The following PPFIA3 variants were observed in gnomAD, a reference collection of about 807,000 sequenced individuals.
The protein encoded by PPFIA3 is liprin-alpha-3.
PPFIA3 carries 26 observed loss-of-function variants against 145.8 expected under a neutral mutation model. That is an observed-to-expected ratio of 0.18 (90% CI 0.13 to 0.25). PPFIA3 has a LOEUF of 0.25. Among genes scored for constraint, PPFIA3 ranks in the 10% least tolerant of loss-of-function variants. PPFIA3 has a pLI of 1.00. For synonymous variants in PPFIA3, 645 were observed against 661.4 expected, an observed-to-expected ratio of 0.98 and a Z score of 0.38; for missense variants, 1,008 against 1,587.8, an observed-to-expected ratio of 0.63 and a Z score of 6.21.
At position 49,136,759 on chromosome 19, in the gene PPFIA3, A is replaced by G. The variant is rs2041142827; in HGVS notation, c.1701A>G (p.Pro567=). The stretch of plus-strand genomic sequence containing the variant: ...GGTCTGCCCCTGCGGGCTCCATACC[A>G]CCCCCATTCCCTGGGGAACTGGACG... ...WERSAPAGSI[P]PPFPGELDGS... Residue 567 remains proline, a synonymous_variant, in exon 15 of 30, where the codon CCA becomes CCG. Transcript: ENST00000334186. 1.3e-6 allele frequency: 2 copies of G among 1,572,684 alleles called. No individual in the cohort carries two copies. The highest frequency in any genetic ancestry group is 1.7e-6 in the Non-Finnish European group (2 of 1,157,476).
Position 49,130,696 on chromosome 19 carries a change from TC to T in PPFIA3, c.879+99del. 9.5e-7 allele frequency: 1 copy of T among 1,049,652 alleles called. No individual in the cohort carries two copies. Among genetic ancestry groups the T allele is most frequent in the Non-Finnish European group, 1.4e-6 (1 of 733,270 alleles). The allele number at this position is 1,049,652 out of a possible 1,614,324, so 65.0% of individuals were successfully genotyped here. A position where few individuals can be genotyped will look rare whatever the true frequency, so the allele number is the denominator to read the frequency against. On this transcript the variant is annotated intron_variant, in intron 7 of 29. Transcript: ENST00000334186. The surrounding 1 kb of genome is among the most constrained non-coding windows in gnomAD (Gnocchi z 4.5). Reference sequence around the variant, plus strand: ...CATGAATGGCGGAACCTCGATTCAGTCCACAGGCTGGGTGACTCCTCTTTGA... The same window carrying T: ...CATGAATGGCGGAACCTCGATTCAGTCACAGGCTGGGTGACTCCTCTTTGA...
At position 49,132,125 on chromosome 19, in the gene PPFIA3, T is replaced by G. The variant is rs554177455; in HGVS notation, c.880-876T>G. On this transcript the variant is annotated intron_variant, in intron 7 of 29. Coordinates refer to ENST00000334186, the MANE Select transcript of PPFIA3 (RefSeq NM_003660.4). ...CTCCAGCCAGAGTGCTGGTTGCTCA[T>G]GCCTGTAATCCCAGCACTTTGGGAG... Among the ~76,000 whole-genome samples the G allele has an allele frequency of 8.7e-5, 13 of 149,202 alleles. No individual in the cohort carries two copies. The South Asian group carries it at 2.8e-3, about 32-fold the overall frequency.
intron 24 of PPFIA3, 116 bp from the exon 25 acceptor site, chr19:49,148,550 C>A: frequency 1.1e-6 from 1 of 872,314 alleles, no homozygotes; most frequent in Non-Finnish European, 1.8e-6. Flanking sequence ...GTCAATAGAA[C>A]TTATCAGCTC....
rs2041102827 is a variant in PPFIA3 at position 49,133,677 on chromosome 19, C to T, written c.1162-119C>T. The T allele has an allele frequency of 2.7e-6, 3 of 1,116,522 alleles. No homozygotes were observed. Among genetic ancestry groups the T allele is most frequent in the Non-Finnish European group, 2.7e-6 (2 of 750,180 alleles). 69.2% of individuals were successfully genotyped at this position (1,116,522 alleles called of 1,614,324 possible). A position where few individuals can be genotyped will look rare whatever the true frequency, so the allele number is the denominator to read the frequency against. ...AGGGGCGGGGCCTGACTCAAAGGTGCAGGGGAGGAGCCTGGCGCTGTGGGG... is the reference window on the plus strand; with the variant it reads ...AGGGGCGGGGCCTGACTCAAAGGTGTAGGGGAGGAGCCTGGCGCTGTGGGG... On this transcript the variant is annotated intron_variant, in intron 9 of 29. Coordinates refer to ENST00000334186, the MANE Select transcript of PPFIA3 (RefSeq NM_003660.4). This position sits in a 1 kb window ranked among gnomAD's most constrained non-coding sequence, Gnocchi z 7.2.
Position 49,139,689 on chromosome 19 carries a change from G to T in PPFIA3, c.2098G>T (p.Ala700Ser). 1 of 1,608,054 alleles carries T rather than the reference G, an allele frequency of 6.2e-7. No individual in the cohort carries two copies. Residue 700 changes from alanine to serine, a missense_variant, in exon 17 of 30, where the codon GCT (alanine) becomes TCT (serine). Ala to Ser is a moderately conservative substitution (Grantham distance 99). Around this residue, in one of 11 missense-constraint regions of PPFIA3, gnomAD observed 202 missense variants for 241.8 expected, o/e 0.84. Coordinates refer to ENST00000334186, the MANE Select transcript of PPFIA3 (RefSeq NM_003660.4). ...DKANHVPKEE[A>S]GAPRGEGPAI... The stretch of plus-strand genomic sequence containing the variant: ...TCAGAATCATGTCCCTAAGGAGGAA[G>T]CTGGAGCTCCACGAGGGGAGGGGCC...
At chr19:49,146,099 C>G in intron 22 of PPFIA3, 67 bp from the exon 23 acceptor site, 1 of 1,609,974 alleles carries the variant, frequency 6.2e-7, no homozygotes, top group Non-Finnish European at 8.5e-7. Flanking sequence ...TAAGTCCGCT[C>G]CTTGCGTCCT....
In PPFIA3 at chr19:49,149,418, T is replaced by G; in HGVS notation, c.3354+93T>G. On this transcript the variant is annotated intron_variant, in intron 27 of 29. Transcript: ENST00000334186. The surrounding 1 kb of genome is among the most constrained non-coding windows in gnomAD (Gnocchi z 5.7). ...GGGGCCTGACTATTAATGGTCACGG[T>G]TGGAGGCGGGGCCAGGAGAGGGGCG... The G allele has an allele frequency of 1.3e-6, 2 of 1,588,584 alleles. No individual in the cohort carries two copies. The highest frequency in any genetic ancestry group is 1.7e-6 in the Non-Finnish European group (2 of 1,158,178).
Position 49,133,263 on chromosome 19 carries a change from C to T in PPFIA3, c.1053C>T (p.Ala351=), listed in dbSNP as rs780062608. The T allele has an allele frequency of 6.2e-7, 1 of 1,608,852 alleles. No homozygotes were observed. The highest frequency in any genetic ancestry group is 8.5e-7 in the Non-Finnish European group (1 of 1,177,794). Residue 351 remains alanine, a synonymous_variant, in exon 9 of 30, where the codon GCC becomes GCT. Transcript: ENST00000334186. This position sits in a 1 kb window ranked among gnomAD's most constrained non-coding sequence, Gnocchi z 7.2. Reference sequence around the variant, plus strand: ...GTGAAGAGAAGAGCCGTCAGCTGGCCGAGTGGTTGGACGACGCCAAGCAGA... The same window carrying T: ...GTGAAGAGAAGAGCCGTCAGCTGGCTGAGTGGTTGGACGACGCCAAGCAGA... ...RQSEEKSRQL[A]EWLDDAKQKL... is the part of the protein sequence containing the mutation.
In PPFIA3 at chr19:49,139,826, G is replaced by C; in HGVS notation, c.2235G>C (p.Arg745=). The C allele has an allele frequency of 6.2e-7, 1 of 1,610,396 alleles. No individual in the cohort carries two copies. The highest frequency in any genetic ancestry group is 8.5e-7 in the Non-Finnish European group (1 of 1,177,668). Residue 745 remains arginine (R), a synonymous_variant, in exon 17 of 30, where the codon CGG becomes CGC. Coordinates refer to ENST00000334186, the MANE Select transcript of PPFIA3 (RefSeq NM_003660.4). ...CCCTGGAAGATGGGGGACCCCCACGGGGAAGGTCAGCAGGGACAAGGGATA... is the reference window on the plus strand; with the variant it reads ...CCCTGGAAGATGGGGGACCCCCACGCGGAAGGTCAGCAGGGACAAGGGATA... ...AGSLEDGGPP[R]GSEGTPDSLH...
At chr19:49,150,187 G>A (rs1161080751) in intron 29 of PPFIA3, 36 bp downstream of exon 29, 1 of 1,550,942 alleles carries the variant, frequency 6.4e-7, no homozygotes, top group Non-Finnish European at 8.8e-7. Flanking sequence ...GGGGTGCGGG[G>A]CGGCACGGTG....
In PPFIA3 at chr19:49,148,192, G is replaced by A; in HGVS notation, c.2945G>A (p.Arg982Gln). The A allele has an allele frequency of 6.2e-7, 1 of 1,614,186 alleles. No homozygotes were observed. Among genetic ancestry groups the A allele is most frequent in the Non-Finnish European group, 8.5e-7 (1 of 1,180,026 alleles). Residue 982 changes from arginine to glutamine, a missense_variant, in exon 24 of 30, where the codon CGA becomes CAA. This residue lies in a region of PPFIA3 where 154 missense variants were observed against 369.2 expected (regional missense o/e 0.42). Coordinates refer to ENST00000334186, the MANE Select transcript of PPFIA3 (RefSeq NM_003660.4). ...SYFMESLVDA[R>Q]MLDHLNKKEL... ...TTCATGGAGTCGCTGGTGGACGCTC[G>A]AATGTTAGATCACCTTAACAAGAAG... is the stretch of plus-strand genomic sequence containing the variant.
intron 24 of PPFIA3, 143 bp downstream of exon 24, chr19:49,148,401 C>T: frequency 1.0e-6 from 1 of 987,550 alleles, no homozygotes; most frequent in Admixed American, 2.9e-5. Context: ...TGACTCTGTG[C>T]TCCTTTCACC....
rs747814886 is a variant in PPFIA3 at position 49,132,992 on chromosome 19, C to T, written c.880-9C>T. ...TCGCAGTCCACGGGGCCCTTTGCTACCTCCGCAGGCGCTGGCGCAGCGGGA... is the reference window on the plus strand; with the variant it reads ...TCGCAGTCCACGGGGCCCTTTGCTATCTCCGCAGGCGCTGGCGCAGCGGGA... On this transcript the variant is annotated splice_polypyrimidine_tract_variant and intron_variant, in intron 7 of 29. Transcript: ENST00000334186. 6.2e-7 allele frequency: 1 copy of T among 1,609,346 alleles called. No homozygotes were observed. The highest frequency in any genetic ancestry group is 8.5e-7 in the Non-Finnish European group (1 of 1,178,710).
chr19:49,148,426 C>T, intron 24 of PPFIA3, 168 bp downstream of exon 24: 1 of 856,646 alleles, frequency 1.2e-6, no homozygotes, highest in South Asian at 1.8e-5. Flanking sequence ...AGATGGTCCA[C>T]AGGAAAAGTT....
At chr19:49,129,763 C>T (rs1473685879) in intron 5 of PPFIA3, among the ~76,000 whole-genome samples, 2 of 152,080 alleles carry the variant, frequency 1.3e-5, no homozygotes, top group Non-Finnish European at 1.5e-5. Flanking sequence ...GAAACTTTGT[C>T]CAGGAGGCTA....
intron 21 of PPFIA3, chr19:49,145,734 C>T: frequency 3.4e-6 from 2 of 593,050 alleles, no homozygotes; most frequent in Non-Finnish European, 6.1e-6. Flanking sequence ...GTCCCAATTC[C>T]AACCTGAATT....
rs990227289 is a variant in PPFIA3 at position 49,128,625 on chromosome 19, C to G, written c.342+157C>G. The G allele has an allele frequency of 1.3e-6, 1 of 788,362 alleles. No homozygotes were observed. The highest frequency in any genetic ancestry group is 1.7e-5 in the African/African-American group (1 of 57,964). The allele number at this position is 788,362 out of a possible 1,614,324, so 48.8% of individuals were successfully genotyped here. The stretch of plus-strand genomic sequence containing the variant: ...CCTGCTCCCACTTCCTGGCTGGTCT[C>G]CCACTCTGGTGCCACTCCTTCCTCC... On this transcript the variant is annotated intron_variant, in intron 3 of 29. Transcript: ENST00000334186. The surrounding 1 kb of genome is among the most constrained non-coding windows in gnomAD (Gnocchi z 4.1).
In PPFIA3 at chr19:49,142,844, G is replaced by A. The variant is rs1568440558; in HGVS notation, c.2585G>A (p.Arg862Gln). The change falls in exon 21 of 30, where the codon CGG (arginine) becomes CAG (glutamine). Residue 862 changes from arginine to glutamine, a missense_variant. Physicochemically the swap from Arg to Gln is conservative, Grantham distance 43 (BLOSUM62 1). Coordinates refer to ENST00000334186, the MANE Select transcript of PPFIA3 (RefSeq NM_003660.4). Reference sequence around the variant, plus strand: ...CCTGCCTGGTATGTGGCCGCCTGCCGGGCCAATGTCAAGAGCGGTGCCATC... The same window carrying A: ...CCTGCCTGGTATGTGGCCGCCTGCCAGGCCAATGTCAAGAGCGGTGCCATC... ...GMPAWYVAAC[R>Q]ANVKSGAIMA... The A allele has an allele frequency of 2.5e-6, 4 of 1,613,736 alleles. No individual in the cohort carries two copies. Among genetic ancestry groups the A allele is most frequent in the Non-Finnish European group, 3.4e-6 (4 of 1,179,986 alleles).
intron 19 of PPFIA3, among the ~76,000 whole-genome samples, chr19:49,141,786 C>T (rs1448236877): frequency 2.6e-5 from 4 of 151,306 alleles, no homozygotes; most frequent in Middle Eastern, 3.4e-3. Flanking sequence ...GTATTTTTTA[C>T]ATTTATATTA....
Sources: gnomAD v4.1 joint callset for allele counts (sites outside exome capture counted in the v4.1 genomes callset) on GRCh38, gnomAD v4.1.1 for gene constraint, gnomAD v4.1.1 regional missense constraint, Gnocchi (gnomAD v3.1) non-coding constraint, MANE v1.5 for transcripts, NCBI Gene and HGNC (gene_info 2026-07-23, HGNC 2026-07-21) for gene names.